Variants in YTHDC2 observed in about 807,000 individuals in gnomAD.
The protein encoded by YTHDC2 is YTH N6-methyladenosine RNA binding protein C2.
YTHDC2 carries 45 observed loss-of-function variants against 174.9 expected under a neutral mutation model. The ratio of observed to expected loss-of-function variants is 0.26; its 90% confidence interval spans 0.20 to 0.33. The LOEUF (loss-of-function observed/expected upper bound fraction) is 0.33. Among genes scored for constraint, YTHDC2 ranks in the 10% least tolerant of loss-of-function variants. YTHDC2 has a pLI of 1.00. For missense variants in YTHDC2, 1,650 were observed against 1,723.7 expected (o/e 0.96, Z 0.76); for synonymous variants, 657 against 574.5 (o/e 1.14, Z -2.05).
At chr5:113,558,848 G>A (rs1298099536) in intron 17 of YTHDC2, among the ~76,000 whole-genome samples, 1 of 151,484 alleles carries the variant, frequency 6.6e-6, no homozygotes, top group African/African-American at 2.4e-5. Flanking sequence ...CTTGAACCTG[G>A]GAGGCAGAGG....
In YTHDC2 at chr5:113,548,654, G is replaced by A. The variant is rs759389774; in HGVS notation, c.1609G>A (p.Ala537Thr). The A allele has an allele frequency of 2.7e-5, 44 of 1,606,224 alleles. No individual in the cohort carries two copies. The highest frequency in any genetic ancestry group is 3.3e-4 in the Middle Eastern group (2 of 6,038). The change falls in exon 11 of 30, where the codon GCA becomes ACA. Residue 537 changes from alanine (A) to threonine (T), a missense_variant. Physicochemically the swap from Ala to Thr is moderately conservative, Grantham distance 58. Around this residue, in one of 5 missense-constraint regions of YTHDC2, gnomAD observed 411 missense variants for 380.6 expected, o/e 1.08. Transcript: ENST00000161863. ...ISMGANVHSKASNGWMALDWA... is the reference protein window; with the variant it reads ...ISMGANVHSKTSNGWMALDWA... ...TATGGGAGCCAATGTCCATAGTAAA[G>A]CATCAAATGGCTGGTAATTTTAAAC...
chr5:113,563,770 T>C, intron 19 of YTHDC2, 89 bp from the exon 20 acceptor site: 1 of 1,435,462 alleles, frequency 7.0e-7, no homozygotes, highest in East Asian at 2.3e-5. Context: ...AAAATCTATA[T>C]TCTTATTTCT....
intron 10 of YTHDC2, among the ~76,000 whole-genome samples, chr5:113,547,547 C>G (rs946816218): frequency 6.6e-6 from 1 of 152,112 alleles, no homozygotes; most frequent in Non-Finnish European, 1.5e-5. Flanking sequence ...ATGTTCCACT[C>G]TGGTGGGGGA....
intron 2 of YTHDC2, among the ~76,000 whole-genome samples, chr5:113,524,111 A>T (rs889387363): frequency 2.6e-5 from 4 of 152,186 alleles, no homozygotes; most frequent in Admixed American, 2.6e-4. Flanking sequence ...GCCATTAAGT[A>T]GTTTACCTGT....
chr5:113,549,329 G>C (rs554647731), intron 12 of YTHDC2, among the ~76,000 whole-genome samples: 6 of 152,188 alleles, frequency 3.9e-5, no homozygotes, highest in Admixed American at 1.3e-4. Context: ...AAATTTAAAA[G>C]GTGTAAACCA....
chr5:113,569,131 T>G (rs1317828791), intron 23 of YTHDC2, among the ~76,000 whole-genome samples: 2 of 152,220 alleles, frequency 1.3e-5, no homozygotes, highest in Non-Finnish European at 2.9e-5. Flanking sequence ...ATATGTTTGT[T>G]GGCCACATGT....
rs1561664058 is a variant in YTHDC2 at position 113,553,257 on chromosome 5, A to G, written c.1765A>G (p.Arg589Gly). The G allele has an allele frequency of 6.2e-7, 1 of 1,608,962 alleles. No homozygotes were observed. Among genetic ancestry groups the G allele is most frequent in the Non-Finnish European group, 8.5e-7 (1 of 1,177,778 alleles). The change falls in exon 13 of 30, where the codon AGA becomes GGA. Residue 589 changes from arginine to glycine, a missense_variant. Transcript: ENST00000161863. ...TNGSDLSAED[R>G]ELLKAYHHSF... ...TGGAAGTGACCTCAGTGCTGAAGAC[A>G]GAGAGCTCCTGAAAGCTTATCATCA...
At chr5:113,546,509 A>G (rs1359079831) in intron 10 of YTHDC2, among the ~76,000 whole-genome samples, 2 of 152,216 alleles carry the variant, frequency 1.3e-5, no homozygotes, top group African/African-American at 4.8e-5. Context: ...CATATGATTT[A>G]GGAAACTCTG....
intron 6 of YTHDC2, 75 bp from the exon 7 acceptor site, chr5:113,535,567 G>T: frequency 1.5e-6 from 2 of 1,359,540 alleles, no homozygotes; most frequent in Non-Finnish European, 2.0e-6. Flanking sequence ...AAAACCCAGT[G>T]GTGCCATTGT....
Position 113,548,761 on chromosome 5 carries a change from T to C in YTHDC2, c.1622+94T>C. 6 of 1,352,336 alleles carry C rather than the reference T, an allele frequency of 4.4e-6. No homozygotes were observed. In the South Asian group the frequency reaches 5.5e-5, roughly 12 times the overall value. 83.8% of individuals were successfully genotyped at this position (1,352,336 alleles called of 1,614,324 possible). On this transcript the variant is annotated intron_variant, in intron 11 of 29. Transcript: ENST00000161863. ...ATGTTTGTCTTTATATTAAAAACTA[T>C]TGTGTAATAATTGCTGGTGAATTTC... is the stretch of plus-strand genomic sequence containing the variant.
In YTHDC2 at chr5:113,532,996, C is replaced by T. The variant is rs6594732; in HGVS notation, c.793C>T (p.Arg265Trp). The T allele has an allele frequency of 8.1e-6, 13 of 1,613,762 alleles. No homozygotes were observed. Among genetic ancestry groups the T allele is most frequent in the Middle Eastern group, 1.6e-4 (1 of 6,082 alleles). The change falls in exon 5 of 30, where the codon CGG becomes TGG. Residue 265 changes from arginine (R) to tryptophan (W), a missense_variant. Transcript: ENST00000161863. Reference protein sequence around the residue: ...AVAERVAAERRERIGQTIGYQ... With the variant: ...AVAERVAAERWERIGQTIGYQ... ...GGCTGAAAGAGTTGCCGCAGAGAGACGGGAAAGGATTGGTCAAACAATTGG... is the reference window on the plus strand; with the variant it reads ...GGCTGAAAGAGTTGCCGCAGAGAGATGGGAAAGGATTGGTCAAACAATTGG...
rs1336736830 is a variant in YTHDC2, at chr5:113,521,837, A to T, written c.279-3144A>T. Among the ~76,000 whole-genome samples, 16 of 136,508 alleles carry T rather than the reference A, an allele frequency of 1.2e-4. No homozygotes were observed. The South Asian group carries it at 2.2e-3, about 18-fold the overall frequency. The allele number at this position is 136,508 out of a possible 152,430, so 89.6% of individuals were successfully genotyped here. ...CTCTGTCTCAAAAAAAAAAAAAAAA[A>T]GAAAAACCCAGAAAAATAAATTTAC... On this transcript the variant is annotated intron_variant, in intron 2 of 29. Coordinates refer to ENST00000161863, the MANE Select transcript of YTHDC2 (RefSeq NM_022828.5).
rs58260423 is a variant in YTHDC2 at position 113,526,811 on chromosome 5, G to GA, written c.675+42dup. On this transcript the variant is annotated intron_variant, in intron 4 of 29. Transcript: ENST00000161863. ...GTTTGTTTCTTTTTTGTTGTTTATA[G>GA]AAAAAAAAAAAAAAAATATATATAT... 1,857 of 260,452 alleles carry GA rather than the reference G, an allele frequency of 7.1e-3. 14 individuals are homozygous for GA. Among genetic ancestry groups the GA allele is most frequent in the East Asian group, 0.043 (337 of 7,860 alleles). The allele number at this position is 260,452 out of a possible 1,614,324, so 16.1% of individuals were successfully genotyped here.
At chr5:113,567,563 T>C (rs1777429862) in intron 22 of YTHDC2, 91 bp from the exon 23 acceptor site, 3 of 1,155,948 alleles carry the variant, frequency 2.6e-6, no homozygotes, top group African/African-American at 1.6e-5. Context: ...ACATCATCTA[T>C]TTCATTGAGA....
chr5:113,580,256 A>T (rs899356151), intron 24 of YTHDC2, among the ~76,000 whole-genome samples: 1 of 152,196 alleles, frequency 6.6e-6, no homozygotes, highest in African/African-American at 2.4e-5. Flanking sequence ...TGGAGGGGAC[A>T]AAAACTTCAA....
chr5:113,552,985 G>A (rs1776348613), intron 12 of YTHDC2, among the ~76,000 whole-genome samples, 196 bp from the exon 13 acceptor site: 6 of 151,922 alleles, frequency 3.9e-5, no homozygotes, highest in Admixed American at 3.9e-4. Flanking sequence ...TTCAGATTGT[G>A]CTTTTCTAAA....
At chr5:113,563,772 C>G (rs1777160745) in intron 19 of YTHDC2, 87 bp from the exon 20 acceptor site, 1 of 1,444,728 alleles carries the variant, frequency 6.9e-7, no homozygotes, top group Non-Finnish European at 9.4e-7. Context: ...AATCTATATT[C>G]TTATTTCTCA....
intron 20 of YTHDC2, chr5:113,565,654 C>T (rs1273428824): frequency 6.5e-6 from 2 of 309,574 alleles, no homozygotes; most frequent in Non-Finnish European, 1.2e-5. Flanking sequence ...CATTGTTAGT[C>T]ATTTAGGCTA....
intron 2 of YTHDC2, among the ~76,000 whole-genome samples, chr5:113,518,971 G>A (rs1052858035): frequency 6.6e-6 from 1 of 151,790 alleles, no homozygotes; most frequent in Non-Finnish European, 1.5e-5. Context: ...GGCCTCAAAC[G>A]CCTAGGCTCA....
Sources: allele counts gnomAD v4.1 joint callset (sites outside exome capture counted in the v4.1 genomes callset), GRCh38; gene constraint gnomAD v4.1.1; regional missense constraint gnomAD v4.1.1; transcripts MANE v1.5; gene names NCBI Gene and HGNC (gene_info 2026-07-23, HGNC 2026-07-21).